The following CFAP54 variants were observed in gnomAD, a reference collection of about 807,000 sequenced individuals.
CFAP54 encodes cilia and flagella associated protein 54, also known as cilia- and flagella-associated protein 54.
CFAP54 carries 290 observed loss-of-function variants against 370.4 expected under a neutral mutation model. That is an observed-to-expected ratio of 0.78 (90% CI 0.71 to 0.86). The LOEUF (loss-of-function observed/expected upper bound fraction) is 0.86, where lower values mean the gene tolerates loss of function less well. CFAP54 is among the 40% of genes least tolerant of loss of function. CFAP54 has a pLI of 0.00. For missense variants in CFAP54, 3,399 were observed against 3,528.7 expected (o/e 0.96, Z 0.93); for synonymous variants, 1,206 against 1,236.5 (o/e 0.98, Z 0.52).
chr12:96,807,623 C>T (rs1958895372), intron 63 of CFAP54, among the ~76,000 whole-genome samples: 1 of 152,208 alleles, frequency 6.6e-6, no homozygotes, highest in South Asian at 2.1e-4. Flanking sequence ...CTCCTGAATC[C>T]ACCCTGAAGT....
At chr12:96,643,066 G>A (rs955726046) in intron 32 of CFAP54, among the ~76,000 whole-genome samples, 1 of 152,104 alleles carries the variant, frequency 6.6e-6, no homozygotes, top group Non-Finnish European at 1.5e-5. Flanking sequence ...CTTTTGAGGA[G>A]AATTGATCTA....
chr12:96,874,240 G>A (rs561382192), intron 67 of CFAP54, among the ~76,000 whole-genome samples: 4 of 151,992 alleles, frequency 2.6e-5, no homozygotes, highest in Non-Finnish European at 5.9e-5. Context: ...ACACTCCCGT[G>A]GAATTGATCT....
At chr12:96,707,693 A>G (rs751259128) in intron 47 of CFAP54, among the ~76,000 whole-genome samples, 2 of 152,204 alleles carry the variant, frequency 1.3e-5, no homozygotes, top group Non-Finnish European at 2.9e-5. Context: ...TGGAGAAAGG[A>G]GTGAAGGCCT....
At chr12:96,755,420 A>T (rs141252416) in intron 56 of CFAP54, among the ~76,000 whole-genome samples, 6 of 152,144 alleles carry the variant, frequency 3.9e-5, no homozygotes, top group Non-Finnish European at 8.8e-5. Flanking sequence ...TCCAGAACTT[A>T]TTCCTCCCAT....
At chr12:96,689,720 C>T (rs1957369371) in intron 43 of CFAP54, among the ~76,000 whole-genome samples, 1 of 152,100 alleles carries the variant, frequency 6.6e-6, no homozygotes, top group Non-Finnish European at 1.5e-5. Context: ...TTACAGTTCT[C>T]AGAATTTTGG....
intron 50 of CFAP54, among the ~76,000 whole-genome samples, chr12:96,727,500 C>G (rs1276552196): frequency 9.9e-5 from 14 of 140,806 alleles, no homozygotes; most frequent in Admixed American, 9.8e-4. Context: ...GATTGCAACC[C>G]CTGCCTTTTT....
intron 39 of CFAP54, among the ~76,000 whole-genome samples, chr12:96,677,778 G>A (rs549742176): frequency 2.6e-5 from 4 of 152,214 alleles, no homozygotes; most frequent in African/African-American, 9.6e-5. Context: ...CTGTCAATGC[G>A]GCCATGTCCC....
chr12:96,783,713 G>C (rs558600147), intron 60 of CFAP54, among the ~76,000 whole-genome samples: 1 of 152,008 alleles, frequency 6.6e-6, no homozygotes, highest in East Asian at 1.9e-4. Flanking sequence ...ATGGAGAAAC[G>C]CCGTTTCTAC....
intron 67 of CFAP54, among the ~76,000 whole-genome samples, chr12:96,870,642 G>T (rs867110593): frequency 2.6e-5 from 4 of 152,256 alleles, no homozygotes; most frequent in Admixed American, 1.3e-4. Flanking sequence ...GTTCGTTTCT[G>T]TCTAGAAGGA....
chr12:96,512,595 G>C (rs1241026426), intron 4 of CFAP54, among the ~76,000 whole-genome samples: 1 of 151,616 alleles, frequency 6.6e-6, no homozygotes, highest in Non-Finnish European at 1.5e-5. Flanking sequence ...CCCGCCTCAG[G>C]CTCCCAAAGT....
chr12:96,728,161 T>C (rs1049045096), intron 50 of CFAP54, among the ~76,000 whole-genome samples: 6 of 152,090 alleles, frequency 3.9e-5, no homozygotes, highest in African/African-American at 1.2e-4. Context: ...TGTCTTGGAG[T>C]TGCTCTTCTC....
At chr12:96,801,965 A>C (rs1411882719) in intron 63 of CFAP54, among the ~76,000 whole-genome samples, 1 of 152,102 alleles carries the variant, frequency 6.6e-6, no homozygotes, top group Admixed American at 6.5e-5. Context: ...GCTGCTGTGA[A>C]ACTGAGAAGT....
At chr12:96,759,743 G>T (rs780732605) in intron 58 of CFAP54, among the ~76,000 whole-genome samples, 9 of 152,166 alleles carry the variant, frequency 5.9e-5, no homozygotes, top group Non-Finnish European at 1.5e-5. Context: ...TGTGACTGAG[G>T]TCTTTCTAAG....
At chr12:96,686,441 G>A (rs1957330576) in intron 42 of CFAP54, among the ~76,000 whole-genome samples, 1 of 152,194 alleles carries the variant, frequency 6.6e-6, no homozygotes, top group South Asian at 2.1e-4. Flanking sequence ...AAGAAAAGAG[G>A]TTTAATTGGT....
intron 63 of CFAP54, 107 bp downstream of exon 63, chr12:96,792,606 C>G: frequency 2.5e-6 from 2 of 784,776 alleles, no homozygotes; most frequent in Non-Finnish European, 3.8e-6. Context: ...TAGATGAGAA[C>G]AGGTATCAAT....
intron 1 of CFAP54, among the ~76,000 whole-genome samples, chr12:96,497,699 C>T (rs546743521): frequency 4.6e-5 from 7 of 152,286 alleles, no homozygotes; most frequent in East Asian, 3.9e-4. Context: ...TAACAATATA[C>T]GCCTTCAAGA....
At chr12:96,814,134 A>G (rs767015091) in intron 64 of CFAP54, among the ~76,000 whole-genome samples, 3 of 152,186 alleles carry the variant, frequency 2.0e-5, no homozygotes, top group Non-Finnish European at 4.4e-5. Context: ...ACAATCTGAA[A>G]CCCAAATGTC....
rs1438402177 is a variant in CFAP54 at position 96,688,991 on chromosome 12, CTATG to C, written c.6081+19_6081+22del. ...CTGCGTTACTCTTTCAGGTAACACT[CTATG>C]TATGTATGTTTTTCCATTGTAGCAC... On this transcript the variant is annotated intron_variant, in intron 43 of 67. Transcript: ENST00000524981. 2.6e-6 allele frequency: 4 copies of C among 1,515,658 alleles called. No individual in the cohort carries two copies. Among genetic ancestry groups the C allele is most frequent in the Admixed American group, 2.3e-5 (1 of 44,432 alleles). The allele number at this position is 1,515,658 out of a possible 1,614,324, so 93.9% of individuals were successfully genotyped here. A position where few individuals can be genotyped will look rare whatever the true frequency, so the allele number is the denominator to read the frequency against.
intron 39 of CFAP54, among the ~76,000 whole-genome samples, chr12:96,669,534 C>G (rs1295364877): frequency 6.6e-6 from 1 of 151,972 alleles, no homozygotes; most frequent in Non-Finnish European, 1.5e-5. Flanking sequence ...GAAGGAGAGA[C>G]AGAGGATGTC....
Sources: gnomAD v4.1 joint callset for allele counts (sites outside exome capture counted in the v4.1 genomes callset) on GRCh38, gnomAD v4.1.1 for gene constraint, MANE v1.5 for transcripts, NCBI Gene and HGNC (gene_info 2026-07-23, HGNC 2026-07-21) for gene names.